The following EPHA6 variants were observed in gnomAD, a reference collection of about 807,000 sequenced individuals.
EPHA6 encodes ephrin type-A receptor 6.
A neutral mutation model predicts 112.0 loss-of-function variants in EPHA6; 50 were observed. The ratio of observed to expected loss-of-function variants is 0.45; its 90% CI spans 0.36 to 0.56. The LOEUF is 0.56. EPHA6 is among the 20% of genes least tolerant of loss of function. The probability of loss-of-function intolerance (pLI) is 0.00; values close to 1 mark genes in which losing one functional copy is unlikely to be tolerated. For missense variants in EPHA6, 1,280 were observed against 1,417.4 expected (o/e 0.90, Z 1.56); for synonymous variants, 529 against 490.7 (o/e 1.08, Z -1.03).
intron 2 of EPHA6, among the ~76,000 whole-genome samples, chr3:96,881,239 G>T (rs1299966947): frequency 6.6e-6 from 1 of 151,956 alleles, no homozygotes; most frequent in Non-Finnish European, 1.5e-5. Flanking sequence ...ATAAATCATT[G>T]TATTAGTCTG....
chr3:97,484,156 T>C (rs2091638902), intron 10 of EPHA6, 97 bp downstream of exon 10: 3 of 1,204,482 alleles, frequency 2.5e-6, no homozygotes, highest in East Asian at 2.8e-5. Context: ...GTTTTGGTCA[T>C]TGAAAAGTTT....
At chr3:97,552,245 TAAAAC>T (rs1169541670) in intron 11 of EPHA6, among the ~76,000 whole-genome samples, 1 of 152,152 alleles carries the variant, frequency 6.6e-6, no homozygotes, top group Non-Finnish European at 1.5e-5. Flanking sequence ...TTTTATAAGA[TAAAAC>T]AAAATAATGC....
At chr3:97,122,341 T>C (rs2048064340) in intron 3 of EPHA6, among the ~76,000 whole-genome samples, 1 of 152,042 alleles carries the variant, frequency 6.6e-6, no homozygotes, top group African/African-American at 2.4e-5. Flanking sequence ...AATGACACAG[T>C]CACAAAATTC....
intron 6 of EPHA6, among the ~76,000 whole-genome samples, chr3:97,444,444 A>G (rs1036094103): frequency 6.6e-6 from 1 of 152,166 alleles, no homozygotes; most frequent in African/African-American, 2.4e-5. Context: ...GACATTAAAA[A>G]AATATTGAAT....
intron 2 of EPHA6, among the ~76,000 whole-genome samples, chr3:96,914,029 C>A (rs62263682): frequency 6.6e-6 from 1 of 152,042 alleles, no homozygotes; most frequent in Non-Finnish European, 1.5e-5. Flanking sequence ...ATGCGCCTAA[C>A]GATATGAATT....
intron 7 of EPHA6, chr3:97,466,231 GC>G (rs1560038895): frequency 2.3e-6 from 2 of 887,230 alleles, no homozygotes; most frequent in Admixed American, 3.4e-5. Flanking sequence ...GACTTGGGAG[GC>G]TGTGTTTATC....
chr3:97,298,648 C>T (rs1191180996), intron 5 of EPHA6, among the ~76,000 whole-genome samples: 1 of 151,924 alleles, frequency 6.6e-6, no homozygotes, highest in African/African-American at 2.4e-5. Context: ...AGAAAATTTT[C>T]TGTTAATCCT....
chr3:97,691,600 T>G (rs1273631046), intron 14 of EPHA6, among the ~76,000 whole-genome samples: 1 of 152,202 alleles, frequency 6.6e-6, no homozygotes, highest in African/African-American at 2.4e-5. Context: ...ATTTGCATAC[T>G]AAAACATCTC....
chr3:97,673,062 AG>A (rs1209889535), intron 14 of EPHA6, among the ~76,000 whole-genome samples: 1 of 152,196 alleles, frequency 6.6e-6, no homozygotes, highest in Non-Finnish European at 1.5e-5. Context: ...AATCCCTAGG[AG>A]GGCTGCCTAT....
chr3:97,431,338 TATC>T (rs1459367852), intron 6 of EPHA6, among the ~76,000 whole-genome samples: 1 of 152,126 alleles, frequency 6.6e-6, no homozygotes, highest in African/African-American at 2.4e-5. Context: ...AAGTCAAAAA[TATC>T]ATAAGTCTAT....
chr3:97,499,761 G>A (rs2107550560), intron 10 of EPHA6, among the ~76,000 whole-genome samples: 1 of 152,194 alleles, frequency 6.6e-6, no homozygotes, highest in Middle Eastern at 3.4e-3. Context: ...ACCTGTGTAG[G>A]GCACTTATCG....
At chr3:97,050,425 T>C (rs553370518) in intron 3 of EPHA6, among the ~76,000 whole-genome samples, 1 of 152,244 alleles carries the variant, frequency 6.6e-6, no homozygotes, top group East Asian at 1.9e-4. Context: ...GGGATGTGTG[T>C]CAGAAGGTTA....
intron 3 of EPHA6, among the ~76,000 whole-genome samples, chr3:97,067,257 T>C (rs1466098039): frequency 2.0e-5 from 3 of 152,148 alleles, no homozygotes; most frequent in Non-Finnish European, 4.4e-5. Flanking sequence ...GAATATTAAA[T>C]TTGTTTAATA....
intron 2 of EPHA6, among the ~76,000 whole-genome samples, chr3:96,981,096 G>T (rs2042751621): frequency 6.6e-6 from 1 of 152,170 alleles, no homozygotes; most frequent in Non-Finnish European, 1.5e-5. Context: ...TGTTGAATAG[G>T]AGTGGTGAGA....
intron 6 of EPHA6, among the ~76,000 whole-genome samples, chr3:97,445,948 C>CAT (rs1308955526): frequency 2.6e-5 from 4 of 152,088 alleles, no homozygotes; most frequent in Non-Finnish European, 5.9e-5. Context: ...AGCACGCCAA[C>CAT]ATACCCTATC....
At chr3:97,179,270 A>G (rs770488534) in intron 3 of EPHA6, among the ~76,000 whole-genome samples, 23 of 151,984 alleles carry the variant, frequency 1.5e-4, no homozygotes, top group Non-Finnish European at 3.1e-4. Context: ...AGAATTCTGA[A>G]TTCCTTCTCT....
intron 2 of EPHA6, among the ~76,000 whole-genome samples, chr3:96,960,195 T>C (rs776151871): frequency 1.9e-4 from 29 of 152,156 alleles, no homozygotes; most frequent in Non-Finnish European, 3.8e-4. Context: ...TACATTTAGT[T>C]GATGTGCTCA....
intron 10 of EPHA6, 79 bp from the exon 11 acceptor site, chr3:97,532,279 G>A: frequency 2.4e-6 from 3 of 1,238,504 alleles, no homozygotes; most frequent in Non-Finnish European, 3.4e-6. Flanking sequence ...AAAAAAGTAT[G>A]TCACTGTATG....
intron 11 of EPHA6, among the ~76,000 whole-genome samples, chr3:97,567,526 T>A (rs1422884372): frequency 6.6e-6 from 1 of 152,224 alleles, no homozygotes; most frequent in South Asian, 2.1e-4. Flanking sequence ...GTTATGTTGA[T>A]GTCCTCCCCA....
Sources: gnomAD v4.1 joint callset for allele counts (sites outside exome capture counted in the v4.1 genomes callset) on GRCh38, gnomAD v4.1.1 for gene constraint, MANE v1.5 for transcripts, NCBI Gene and HGNC (gene_info 2026-07-23, HGNC 2026-07-21) for gene names.